Variants in NRP2 observed in about 807,000 individuals in gnomAD.
NRP2 encodes the protein neuropilin 2, also known as neuropilin-2.
In NRP2, 52 loss-of-function variants were observed where a neutral mutation model predicts 110.4. The ratio of observed to expected loss-of-function variants is 0.47; its 90% CI spans 0.38 to 0.59. The LOEUF (loss-of-function observed/expected upper bound fraction) is 0.59. NRP2 is among the 20% of genes least tolerant of loss of function. NRP2 has a pLI of 0.00. For missense variants in NRP2, 1,049 were observed against 1,203.0 expected (o/e 0.87, Z 1.89); for synonymous variants, 508 against 468.9 (o/e 1.08, Z -1.08).
At chr2:205,724,263 C>G (rs2057081080) in intron 5 of NRP2, among the ~76,000 whole-genome samples, 1 of 152,210 alleles carries the variant, frequency 6.6e-6, no homozygotes, top group Non-Finnish European at 1.5e-5. Context: ...TTAGGATGAT[C>G]TATACAGGGC....
chr2:205,700,775 A>G (rs963375288), intron 2 of NRP2: 1 of 518,514 alleles, frequency 1.9e-6, no homozygotes, highest in African/African-American at 1.9e-5. Context: ...ATCCAAGGCC[A>G]CCATCTCTGG....
At chr2:205,724,008 G>A (rs1270822240) in intron 5 of NRP2, 68 bp downstream of exon 5, 5 of 1,574,686 alleles carry the variant, frequency 3.2e-6, no homozygotes, top group East Asian at 2.2e-5. Flanking sequence ...ACAGGTGAAG[G>A]GGGGCTGAGC....
chr2:205,726,109 G>A (rs943105178), intron 6 of NRP2, 27 bp downstream of exon 6: 1 of 1,613,380 alleles, frequency 6.2e-7, no homozygotes. Flanking sequence ...CAGAGGATGT[G>A]AGAGTGTGTA....
intron 12 of NRP2, among the ~76,000 whole-genome samples, chr2:205,762,660 G>A (rs550289561): frequency 2.0e-5 from 3 of 152,208 alleles, no homozygotes; most frequent in Middle Eastern, 3.4e-3. Context: ...AGCCTAAGAC[G>A]CCCCTATGTT....
intron 15 of NRP2, chr2:205,776,244 AG>A: frequency 1.2e-6 from 2 of 1,612,348 alleles, no homozygotes. Flanking sequence ...TCTCTCCACC[AG>A]GGGGCACCCT....
intron 2 of NRP2, among the ~76,000 whole-genome samples, chr2:205,708,053 T>C (rs924370613): frequency 2.0e-5 from 3 of 152,226 alleles, no homozygotes; most frequent in African/African-American, 7.2e-5. Context: ...TTACACCTGC[T>C]AGTGCTGCTG....
intron 15 of NRP2, chr2:205,778,028 T>C (rs1254541473): frequency 6.6e-6 from 1 of 152,158 alleles, no homozygotes; most frequent in Non-Finnish European, 1.5e-5. Context: ...AAAGGATGGA[T>C]TAAATAATGA....
rs1347671500 is a variant in NRP2, at chr2:205,686,592, G to A, written c.73+3229G>A. Among the ~76,000 whole-genome samples the A allele has an allele frequency of 6.6e-6, 1 of 152,182 alleles. No homozygotes were observed. The highest frequency in any genetic ancestry group is 2.4e-5 in the African/African-American group (1 of 41,448). ...GTCCAGCGGCTGGGTGGCGGGCGCC[G>A]GTAGCCCTAGTGTTTGGAGGTGGGG... On this transcript the variant is annotated intron_variant, in intron 1 of 16. Transcript: ENST00000357785. This position sits in a 1 kb window ranked among gnomAD's most constrained non-coding sequence, Gnocchi z 4.7.
chr2:205,749,667 G>A, intron 10 of NRP2, 58 bp from the exon 11 acceptor site: 2 of 1,349,972 alleles, frequency 1.5e-6, no homozygotes, highest in Non-Finnish European at 2.1e-6. Context: ...TCTTCCTCCT[G>A]CTGGGTTGCA....
intron 2 of NRP2, among the ~76,000 whole-genome samples, chr2:205,714,908 C>A (rs2056864418): frequency 6.6e-6 from 1 of 152,216 alleles, no homozygotes; most frequent in South Asian, 2.1e-4. Context: ...CTTCCGGCAG[C>A]CGGCAACCCC....
chr2:205,784,910 C>A (rs138895345), intron 15 of NRP2, among the ~76,000 whole-genome samples: 122 of 152,364 alleles, frequency 8.0e-4, no homozygotes, highest in African/African-American at 2.9e-3. Flanking sequence ...CAGGGGACCA[C>A]ACCTGAAGCC....
chr2:205,775,884 T>C (rs1043058333), intron 15 of NRP2, among the ~76,000 whole-genome samples: 1 of 152,200 alleles, frequency 6.6e-6, no homozygotes, highest in Non-Finnish European at 1.5e-5. Context: ...CACTTCCATA[T>C]ATTATAAAGT....
intron 1 of NRP2, among the ~76,000 whole-genome samples, chr2:205,689,911 G>A (rs996216168): frequency 1.1e-4 from 16 of 152,230 alleles, no homozygotes; most frequent in African/African-American, 2.9e-4. Context: ...CCCAGCAAGG[G>A]TCTTAATAAT....
intron 15 of NRP2, chr2:205,777,272 A>G: frequency 2.4e-6 from 1 of 411,746 alleles, no homozygotes; most frequent in Non-Finnish European, 3.3e-6. Context: ...ACCTGACCCA[A>G]GAGAAGGTTC....
rs772426896 is a variant in NRP2 at position 205,743,397 on chromosome 2, A to C, written c.1486A>C (p.Lys496Gln). 2 of 1,614,206 alleles carry C rather than the reference A, an allele frequency of 1.2e-6. No individual in the cohort carries two copies. Among genetic ancestry groups the C allele is most frequent in the Non-Finnish European group, 1.7e-6 (2 of 1,180,040 alleles). Residue 496 changes from lysine (K) to glutamine (Q), a missense_variant, in exon 9 of 17, where the codon AAG becomes CAG. Physicochemically the swap from Lys to Gln is moderately conservative, Grantham distance 53. Transcript: ENST00000357785. ...EWLQVDLGTPKTVKGVIIQGA... is the reference protein window; with the variant it reads ...EWLQVDLGTPQTVKGVIIQGA... ...GCTTCAGGTAGATCTGGGAACACCC[A>C]AGACAGTGAAAGGTGTCATCATCCA...
At chr2:205,771,728 T>C (rs1193417576) in intron 15 of NRP2, among the ~76,000 whole-genome samples, 1 of 152,218 alleles carries the variant, frequency 6.6e-6, no homozygotes, top group Non-Finnish European at 1.5e-5. Flanking sequence ...CTGTTTCCTC[T>C]TCCCTCCCTA....
chr2:205,704,916 C>T (rs755664958), intron 2 of NRP2, among the ~76,000 whole-genome samples: 5 of 152,086 alleles, frequency 3.3e-5, no homozygotes, highest in Non-Finnish European at 5.9e-5. Flanking sequence ...CTAATTACAC[C>T]GGCTGAGAGT....
At chr2:205,695,431 G>C (rs915363274) in intron 1 of NRP2, among the ~76,000 whole-genome samples, 2 of 152,148 alleles carry the variant, frequency 1.3e-5, no homozygotes, top group African/African-American at 4.8e-5. Flanking sequence ...CCTGGGGTGT[G>C]GGGAATTGAG....
intron 16 of NRP2, among the ~76,000 whole-genome samples, chr2:205,792,727 G>A (rs931446626): frequency 2.0e-5 from 3 of 152,146 alleles, no homozygotes; most frequent in Non-Finnish European, 4.4e-5. Flanking sequence ...CACTATTCAA[G>A]ATTCCAATTT....
Sources: gnomAD v4.1 joint callset for allele counts (sites outside exome capture counted in the v4.1 genomes callset) on GRCh38, gnomAD v4.1.1 for gene constraint, Gnocchi (gnomAD v3.1) non-coding constraint, MANE v1.5 for transcripts, NCBI Gene and HGNC (gene_info 2026-07-23, HGNC 2026-07-21) for gene names.